Variants in OTUD6B observed in about 807,000 individuals in gnomAD.
OTUD6B encodes deubiquitinase OTUD6B.
In OTUD6B, 41 loss-of-function variants were observed where a neutral mutation model predicts 36.9. The ratio of observed to expected loss-of-function variants is 1.11; its 90% CI spans 0.87 to 1.44. OTUD6B has a LOEUF of 1.44. Among genes scored for constraint, OTUD6B ranks in the 40% most tolerant of loss-of-function variants. The probability of loss-of-function intolerance (pLI) is 0.00; values close to 1 mark genes in which losing one functional copy is unlikely to be tolerated. For missense variants in OTUD6B, 356 were observed against 344.8 expected, an observed-to-expected ratio of 1.03 and a Z score of -0.26; for synonymous variants, 114 against 114.2, an observed-to-expected ratio of 1.00 and a Z score of 0.01.
chr8:91,080,809 C>T (rs1812890236), intron 5 of OTUD6B, 79 bp downstream of exon 5: 2 of 986,510 alleles, frequency 2.0e-6, no homozygotes, highest in South Asian at 3.0e-5. Flanking sequence ...AGATGTTTCT[C>T]AGCTGATCCC....
At chr8:91,071,002 C>A in intron 1 of OTUD6B, 136 bp from the exon 2 acceptor site, 1 of 1,410,182 alleles carries the variant, frequency 7.1e-7, no homozygotes, top group South Asian at 1.6e-5. Context: ...TCTGTAGCTG[C>A]CTGTTACGTG....
intron 2 of OTUD6B, among the ~76,000 whole-genome samples, chr8:91,072,963 A>T: frequency 6.8e-6 from 1 of 147,904 alleles, no homozygotes; most frequent in African/African-American, 2.4e-5. Context: ...TTTCAGATGC[A>T]TCTCTTTTAT....
intron 3 of OTUD6B, among the ~76,000 whole-genome samples, chr8:91,074,791 T>C (rs1335605337): frequency 6.6e-6 from 1 of 152,120 alleles, no homozygotes; most frequent in Non-Finnish European, 1.5e-5. Context: ...TAGTATGTAA[T>C]TTAGTAGAGC....
chr8:91,081,850 G>T (rs191014758), intron 5 of OTUD6B, among the ~76,000 whole-genome samples: 8 of 152,176 alleles, frequency 5.3e-5, no homozygotes, highest in African/African-American at 1.9e-4. Context: ...AGTTTTGTAT[G>T]CCTCGGAAAC....
At chr8:91,080,862 C>T in intron 5 of OTUD6B, 132 bp downstream of exon 5, 1 of 659,772 alleles carries the variant, frequency 1.5e-6, no homozygotes, top group South Asian at 2.0e-5. Context: ...ATTTGCTCTT[C>T]TCAACTGACA....
intron 1 of OTUD6B, 102 bp from the exon 2 acceptor site, chr8:91,071,036 T>C (rs902335230): frequency 4.6e-6 from 7 of 1,521,118 alleles, no homozygotes; most frequent in Non-Finnish European, 5.3e-6. Flanking sequence ...CCATAATTAC[T>C]TTTTCTGTAC....
At chr8:91,070,582 C>A in intron 1 of OTUD6B, 116 bp downstream of exon 1, 1 of 971,422 alleles carries the variant, frequency 1.0e-6, no homozygotes, top group Non-Finnish European at 1.5e-6. Flanking sequence ...TAGACTTCCC[C>A]TAGTAGCAAG....
intron 2 of OTUD6B, among the ~76,000 whole-genome samples, chr8:91,071,552 G>A (rs1407531097): frequency 6.6e-6 from 1 of 152,134 alleles, no homozygotes; most frequent in Non-Finnish European, 1.5e-5. Context: ...GTTTCACCAT[G>A]TTAGCCAAGA....
At chr8:91,075,935 C>T (rs1812795712) in intron 3 of OTUD6B, among the ~76,000 whole-genome samples, 1 of 152,060 alleles carries the variant, frequency 6.6e-6, no homozygotes, top group African/African-American at 2.4e-5. Context: ...TAGAGCATAT[C>T]TCTTATTTTT....
intron 4 of OTUD6B, 93 bp from the exon 5 acceptor site, chr8:91,080,576 A>G: frequency 1.3e-6 from 2 of 1,497,828 alleles, no homozygotes; most frequent in Admixed American, 5.0e-5. Context: ...TAACTTGGGC[A>G]TTTTTGTCAG....
rs1812836076 is a variant in OTUD6B, at chr8:91,078,207, T to A, written c.316-149T>A. The A allele has an allele frequency of 4.2e-6, 6 of 1,419,694 alleles. No homozygotes were observed. The South Asian group carries it at 9.3e-5, about 22-fold the overall frequency. The allele number at this position is 1,419,694 out of a possible 1,614,324, so 87.9% of individuals were successfully genotyped here. On this transcript the variant is annotated intron_variant, in intron 3 of 6. Coordinates refer to ENST00000404789, the MANE Select transcript of OTUD6B (RefSeq NM_016023.5). ...AGTAAGGAGCTCACCTTGTAGAAAATTCTTGAGATGATCAATGTGATAGTG... is the reference window on the plus strand; with the variant it reads ...AGTAAGGAGCTCACCTTGTAGAAAAATCTTGAGATGATCAATGTGATAGTG...
At position 91,071,120 on chromosome 8, in the gene OTUD6B, AT is replaced by A; in HGVS notation, c.83-14del. ...TTACTCCTGCGTGTCTGACTTAATG[AT>A]TTTAATGGCTTTTCAGCCAAAATTC... On this transcript the variant is annotated splice_polypyrimidine_tract_variant and intron_variant, in intron 1 of 6. Transcript: ENST00000404789. The A allele has an allele frequency of 6.2e-7, 1 of 1,611,274 alleles. No individual in the cohort carries two copies. Among genetic ancestry groups the A allele is most frequent in the Non-Finnish European group, 8.5e-7 (1 of 1,179,154 alleles).
Position 91,084,797 on chromosome 8 carries a change from G to T in OTUD6B, c.811G>T (p.Ala271Ser). ...KPLILVYMRHAYGLGEHYNSV... is the reference protein window; with the variant it reads ...KPLILVYMRHSYGLGEHYNSV... ...TTTTAATTTCAGATATATGAGACAT[G>T]CATATGGCTTAGGAGAACATTATAA... Residue 271 changes from alanine to serine, a missense_variant, in exon 7 of 7, where the codon GCA becomes TCA. Ala to Ser is a moderately conservative substitution (Grantham distance 99). Coordinates refer to ENST00000404789, the MANE Select transcript of OTUD6B (RefSeq NM_016023.5). 1.3e-6 allele frequency: 2 copies of T among 1,557,056 alleles called. No homozygotes were observed. Among genetic ancestry groups the T allele is most frequent in the Admixed American group, 1.8e-5 (1 of 54,260 alleles).
intron 3 of OTUD6B, chr8:91,076,816 T>A (rs1812811070): frequency 1.4e-6 from 1 of 699,010 alleles, no homozygotes. Context: ...ATATTATGCC[T>A]CTGTGATCCA....
chr8:91,075,580 A>C (rs1454505885), intron 3 of OTUD6B, among the ~76,000 whole-genome samples: 1 of 152,076 alleles, frequency 6.6e-6, no homozygotes, highest in African/African-American at 2.4e-5. Context: ...GCACAACTGG[A>C]ATTAATACTT....
At chr8:91,079,943 T>C (rs1312931777) in intron 4 of OTUD6B, among the ~76,000 whole-genome samples, 1 of 152,164 alleles carries the variant, frequency 6.6e-6, no homozygotes, top group Non-Finnish European at 1.5e-5. Context: ...ACATGAGACA[T>C]ATTTTTCTTC....
rs530282228 is a variant in OTUD6B, at chr8:91,079,978, C to T, written c.629-691C>T. Among the ~76,000 whole-genome samples the T allele has an allele frequency of 4.8e-4, 73 of 152,088 alleles. 1 individual carries two copies. The highest frequency in any genetic ancestry group is 8.4e-4 in the Non-Finnish European group (57 of 67,978). On this transcript the variant is annotated intron_variant, in intron 4 of 6. Coordinates refer to ENST00000404789, the MANE Select transcript of OTUD6B (RefSeq NM_016023.5). ...CTAGATGTCCATAATTTCTTTCCTT[C>T]CATCTCTGTAGTAAGGATAATTGTT...
chr8:91,080,544 T>A (rs934523987), intron 4 of OTUD6B, 125 bp from the exon 5 acceptor site: 9 of 1,455,772 alleles, frequency 6.2e-6, no homozygotes, highest in Non-Finnish European at 8.1e-6. Context: ...TGGAGGATAA[T>A]GGTAGAGAAG....
chr8:91,085,783 A>G lies in OTUD6B; in HGVS notation c.*915A>G, dbSNP rs1283558921. On this transcript the variant is annotated 3_prime_UTR_variant, in exon 7 of 7. Coordinates refer to ENST00000404789, the MANE Select transcript of OTUD6B (RefSeq NM_016023.5). The stretch of plus-strand genomic sequence containing the variant: ...GTGCAATTTTAGGGAGTAGCAGTGT[A>G]AAAGGTCCAAGACCACATTTACTTG... 3 of 152,088 alleles carry G rather than the reference A, an allele frequency of 2.0e-5. No homozygotes were observed. The highest frequency in any genetic ancestry group is 4.4e-5 in the Non-Finnish European group (3 of 67,982). 9.4% of individuals were successfully genotyped at this position (152,088 alleles called of 1,614,324 possible).
Sources: gnomAD v4.1 joint callset for allele counts (sites outside exome capture counted in the v4.1 genomes callset) on GRCh38, gnomAD v4.1.1 for gene constraint, MANE v1.5 for transcripts, NCBI Gene and HGNC (gene_info 2026-07-23, HGNC 2026-07-21) for gene names.